Variants in LINGO2 observed in about 807,000 individuals in gnomAD.
The protein encoded by LINGO2 is leucine rich repeat and Ig domain containing 2.
LINGO2 carries 14 observed loss-of-function variants against 30.6 expected under a neutral mutation model. The ratio of observed to expected loss-of-function variants is 0.46; its 90% CI spans 0.30 to 0.72. The LOEUF is 0.72. LINGO2 is among the 30% of genes least tolerant of loss of function. The probability of loss-of-function intolerance (pLI) is 0.07; values close to 1 mark genes in which losing one functional copy is unlikely to be tolerated. For missense variants in LINGO2, 729 were observed against 751.7 expected (o/e 0.97, Z 0.35); for synonymous variants, 317 against 288.5 (o/e 1.10, Z -1.00).
At chr9:28,620,829 G>C (rs1255402484) in intron 1 of LINGO2, among the ~76,000 whole-genome samples, 4 of 151,968 alleles carry the variant, frequency 2.6e-5, no homozygotes, top group South Asian at 4.2e-4. Flanking sequence ...CCTTTCGGAG[G>C]GTGGAGGGTG....
At chr9:28,443,457 C>T (rs560545794) in intron 2 of LINGO2, among the ~76,000 whole-genome samples, 1 of 152,248 alleles carries the variant, frequency 6.6e-6, no homozygotes, top group East Asian at 1.9e-4. Context: ...TGCAGCTGCC[C>T]CATGGCTCTA....
chr9:29,012,848 C>T, the LINGO2 span, among the ~76,000 whole-genome samples: 1 of 152,054 alleles, frequency 6.6e-6, no homozygotes, highest in African/African-American at 2.4e-5. Flanking sequence ...TAAATCTACC[C>T]ATTAGTAGAC....
chr9:28,088,838 C>A (rs1340679723), intron 4 of LINGO2, among the ~76,000 whole-genome samples: 1 of 151,972 alleles, frequency 6.6e-6, no homozygotes, highest in African/African-American at 2.4e-5. Context: ...TGCAGAGACA[C>A]ACATAGACTC....
the LINGO2 span, chr9:27,939,887 A>T: frequency 6.6e-6 from 1 of 152,228 alleles, no homozygotes; most frequent in Non-Finnish European, 1.5e-5. Context: ...TCTGGTAAAC[A>T]AATTTATCTC....
chr9:28,060,322 C>T (rs1238643529), intron 4 of LINGO2, among the ~76,000 whole-genome samples: 4 of 149,954 alleles, frequency 2.7e-5, no homozygotes, highest in Middle Eastern at 3.5e-3. Context: ...ATTGTAATTA[C>T]GATCTTCCTA....
intron 2 of LINGO2, among the ~76,000 whole-genome samples, chr9:28,428,979 T>C (rs1301599115): frequency 6.6e-6 from 1 of 152,206 alleles, no homozygotes; most frequent in Non-Finnish European, 1.5e-5. Flanking sequence ...CATGATTCTT[T>C]ATCTTGACTT....
intron 4 of LINGO2, among the ~76,000 whole-genome samples, chr9:28,137,656 G>A (rs890264145): frequency 2.4e-4 from 37 of 152,088 alleles, no homozygotes; most frequent in African/African-American, 8.9e-4. Context: ...GTATTTGATA[G>A]AAAAGATTTT....
rs1819897264 is a variant in LINGO2 at position 28,193,578 on chromosome 9, A to T, written c.-87+101630T>A. Among the ~76,000 whole-genome samples, 4 of 152,298 alleles carry T rather than the reference A, an allele frequency of 2.6e-5. No individual in the cohort carries two copies. In the South Asian group the frequency reaches 8.3e-4, roughly 32 times the overall value. On this transcript the variant is annotated intron_variant, in intron 4 of 5. Transcript: ENST00000379992. ...ATATAAAGCTATTGATAGAAAGGTA[A>T]CCACTACTATGTTTTAGGGGAAAAA...
chr9:28,900,380 G>C, the LINGO2 span, among the ~76,000 whole-genome samples: 4 of 152,142 alleles, frequency 2.6e-5, no homozygotes, highest in African/African-American at 9.7e-5. Flanking sequence ...CCTTACTCTA[G>C]CACCAGGTCA....
At chr9:28,237,533 C>T (rs933472035) in intron 4 of LINGO2, among the ~76,000 whole-genome samples, 9 of 152,032 alleles carry the variant, frequency 5.9e-5, no homozygotes, top group Non-Finnish European at 1.3e-4. Flanking sequence ...AAAAACAAGG[C>T]CCAGTGATCT....
rs539687867 is a variant in LINGO2, at chr9:28,174,798, G to A, written c.-87+120410C>T. On this transcript the variant is annotated intron_variant, in intron 4 of 5. Coordinates refer to ENST00000379992, the Ensembl canonical transcript of LINGO2. ...CGAATCCAGTGCCTGCTCTATGAAA[G>A]GTACTCAATAAATGTTTATGAAACA... 1.4e-4 allele frequency among the ~76,000 whole-genome samples: 21 copies of A among 152,084 alleles called. No individual in the cohort carries two copies. In the East Asian group the frequency reaches 3.9e-3, roughly 28 times the overall value.
chr9:28,097,305 T>C (rs1229937717), intron 4 of LINGO2, among the ~76,000 whole-genome samples: 2 of 151,846 alleles, frequency 1.3e-5, no homozygotes, highest in Admixed American at 1.3e-4. Context: ...GAACTAGAAA[T>C]ACCATTTGAC....
At chr9:29,007,679 T>C in the LINGO2 span, among the ~76,000 whole-genome samples, 1 of 152,142 alleles carries the variant, frequency 6.6e-6, no homozygotes, top group East Asian at 1.9e-4. Context: ...AGACCAATGA[T>C]AGAGGATTCA....
At chr9:28,120,683 T>TA (rs1259313945) in intron 4 of LINGO2, among the ~76,000 whole-genome samples, 1 of 152,116 alleles carries the variant, frequency 6.6e-6, no homozygotes, top group African/African-American at 2.4e-5. Flanking sequence ...TTTCTAGATG[T>TA]AAAATGGAAA....
chr9:28,111,851 T>A (rs1034766757), intron 4 of LINGO2, among the ~76,000 whole-genome samples: 1 of 152,168 alleles, frequency 6.6e-6, no homozygotes, highest in African/African-American at 2.4e-5. Flanking sequence ...ACTCACTATA[T>A]ATGAAGGTGA....
At chr9:28,342,142 C>T (rs1173571617) in intron 3 of LINGO2, among the ~76,000 whole-genome samples, 3 of 152,068 alleles carry the variant, frequency 2.0e-5, no homozygotes, top group Non-Finnish European at 2.9e-5. Context: ...TTCCTTTTCT[C>T]GAATTCAAGG....
At chr9:29,149,061 C>T in the LINGO2 span, among the ~76,000 whole-genome samples, 1 of 152,138 alleles carries the variant, frequency 6.6e-6, no homozygotes, top group Non-Finnish European at 1.5e-5. Flanking sequence ...AATTCCTAAA[C>T]ATCTCTAGAT....
At chr9:28,435,418 A>C (rs1823884200) in intron 2 of LINGO2, among the ~76,000 whole-genome samples, 1 of 152,170 alleles carries the variant, frequency 6.6e-6, no homozygotes, top group South Asian at 2.1e-4. Context: ...AATTAGCAAA[A>C]ATTGTGATGC....
At chr9:28,540,947 T>C (rs1017476725) in intron 1 of LINGO2, among the ~76,000 whole-genome samples, 2 of 152,216 alleles carry the variant, frequency 1.3e-5, no homozygotes, top group African/African-American at 4.8e-5. Flanking sequence ...CAAAGTCTTT[T>C]ATTTCTACAA....
Sources: gnomAD v4.1 joint callset for allele counts (sites outside exome capture counted in the v4.1 genomes callset) on GRCh38, gnomAD v4.1.1 for gene constraint, MANE v1.5 for transcripts, NCBI Gene and HGNC (gene_info 2026-07-23, HGNC 2026-07-21) for gene names.